Variants in STK31 observed in about 807,000 individuals in gnomAD.
STK31 encodes the protein serine/threonine kinase 31, also known as serine/threonine-protein kinase 31.
Under a neutral mutation model 129.7 loss-of-function variants are expected in STK31, and 89 were observed. The observed-to-expected ratio is 0.69, with a 90% confidence interval of 0.58 to 0.82. STK31 has a LOEUF of 0.82. STK31 is among the 40% of genes least tolerant of loss of function. STK31 has a pLI of 0.00. For synonymous variants in STK31, 448 were observed against 395.3 expected (o/e 1.13, Z -1.58); for missense variants, 1,187 against 1,176.4 (o/e 1.01, Z -0.13).
At chr7:23,777,588 T>C (rs1248428789) in intron 15 of STK31, among the ~76,000 whole-genome samples, 1 of 152,040 alleles carries the variant, frequency 6.6e-6, no homozygotes, top group East Asian at 1.9e-4. Flanking sequence ...TGTAATGCCC[T>C]TCTTTATTTT....
intron 11 of STK31, among the ~76,000 whole-genome samples, chr7:23,766,131 T>C (rs1047024720): frequency 3.9e-5 from 6 of 152,260 alleles, no homozygotes; most frequent in African/African-American, 1.4e-4. Context: ...GCGAGTTATT[T>C]GATATTTCAG....
At chr7:23,771,440 ATAGTTT>A (rs1428605624) in intron 14 of STK31, 1 of 172,062 alleles carries the variant, frequency 5.8e-6, no homozygotes, top group African/African-American at 2.4e-5. Flanking sequence ...AGCCTAAGAG[ATAGTTT>A]TAGAGTATTT....
chr7:23,809,159 G>GC (rs1554297287), intron 22 of STK31, among the ~76,000 whole-genome samples: 8 of 149,050 alleles, frequency 5.4e-5, no homozygotes, highest in Non-Finnish European at 1.2e-4. Flanking sequence ...AGAGTTGTTT[G>GC]TTTTTTTTAA....
intron 11 of STK31, among the ~76,000 whole-genome samples, chr7:23,767,026 G>C (rs1789871453): frequency 6.6e-6 from 1 of 152,026 alleles, no homozygotes; most frequent in Non-Finnish European, 1.5e-5. Flanking sequence ...ATTGCATTTT[G>C]TATGTCAAAG....
At chr7:23,721,044 T>C (rs1459962635) in intron 4 of STK31, among the ~76,000 whole-genome samples, 1 of 152,230 alleles carries the variant, frequency 6.6e-6, no homozygotes, top group Non-Finnish European at 1.5e-5. Context: ...AAAGGATTTA[T>C]AGTACACAAG....
At chr7:23,819,550 G>C (rs1793675851) in intron 23 of STK31, among the ~76,000 whole-genome samples, 1 of 151,086 alleles carries the variant, frequency 6.6e-6, no homozygotes, top group Admixed American at 6.6e-5. Flanking sequence ...GAGTAGCTGG[G>C]ATTACTGGCA....
In STK31 at chr7:23,754,387, T is replaced by C. The variant is rs557804147; in HGVS notation, c.1206T>C (p.Phe402=). 5.8e-5 allele frequency: 94 copies of C among 1,614,122 alleles called. 1 individual carries two copies. In the Middle Eastern group the frequency reaches 6.6e-4, roughly 11 times the overall value. The change falls in exon 10 of 24, where the codon TTT becomes TTC. Residue 402 remains phenylalanine, a synonymous_variant. Transcript: ENST00000355870. ...TACAAGTGTTGGATGAAGGGTGCTT[T>C]ACTACTCCAGCTTCTTTGAATGGAT... The part of the protein sequence containing the change: ...DAIQVLDEGC[F]TTPASLNGLE...
chr7:23,715,204 TC>T lies in STK31; in HGVS notation c.151-2275del, dbSNP rs1200679817. 4.7e-5 allele frequency among the ~76,000 whole-genome samples: 4 copies of T among 84,574 alleles called. No individual in the cohort carries two copies. In the East Asian group the frequency reaches 1.3e-3, roughly 27 times the overall value. 55.5% of individuals were successfully genotyped at this position (84,574 alleles called of 152,430 possible). Reference sequence around the variant, plus strand: ...GATGAAAATCTGCTCACGTGTATTCTCCATTTTTTTTTGCCCTGTGGGCTTC... The same window carrying T: ...GATGAAAATCTGCTCACGTGTATTCTCATTTTTTTTTGCCCTGTGGGCTTC... On this transcript the variant is annotated intron_variant, in intron 3 of 23. Transcript: ENST00000355870.
At chr7:23,754,161 T>G (rs1006893324) in intron 9 of STK31, among the ~76,000 whole-genome samples, 154 bp from the exon 10 acceptor site, 3 of 152,226 alleles carry the variant, frequency 2.0e-5, no homozygotes, top group African/African-American at 7.2e-5. Flanking sequence ...AAAAAATAAG[T>G]TATACATGAT....
rs745587912 is a variant in STK31, at chr7:23,729,295, T to C, written c.483+46T>C. 7.9e-6 allele frequency: 12 copies of C among 1,511,538 alleles called. No individual in the cohort carries two copies. The South Asian group carries it at 1.5e-4, about 19-fold the overall frequency. 93.6% of individuals were successfully genotyped at this position (1,511,538 alleles called of 1,614,324 possible). On this transcript the variant is annotated intron_variant, in intron 6 of 23. Coordinates refer to ENST00000355870, the MANE Select transcript of STK31 (RefSeq NM_031414.5). ...ATTTTTGCTAATGAAAGTAAAACTATGTGCTTGAAACAAAATGTAGGTATA... is the reference window on the plus strand; with the variant it reads ...ATTTTTGCTAATGAAAGTAAAACTACGTGCTTGAAACAAAATGTAGGTATA...
Position 23,712,297 on chromosome 7 carries a change from A to G in STK31, c.150+11A>G, listed in dbSNP as rs778171168. ...ACATTTTGGGCCCAGGTAAATAGCA[A>G]ACTGGTTGATATCCCCCCTCACCTC... On this transcript the variant is annotated intron_variant, in intron 3 of 23. Transcript: ENST00000355870. The G allele has an allele frequency of 6.8e-6, 11 of 1,613,956 alleles. No individual in the cohort carries two copies. Among genetic ancestry groups the G allele is most frequent in the Non-Finnish European group, 9.3e-6 (11 of 1,179,896 alleles).
At position 23,784,686 on chromosome 7, in the gene STK31, T is replaced by TAA. The variant is rs559533160; in HGVS notation, c.2149-783_2149-782dup. ...AATACTTAAATGTACCGACAAGACT[T>TAA]AAAAAAAAAACCCAGAAAACAATTC... On this transcript the variant is annotated intron_variant, in intron 17 of 23. Coordinates refer to ENST00000355870, the MANE Select transcript of STK31 (RefSeq NM_031414.5). Among the ~76,000 whole-genome samples the TAA allele has an allele frequency of 2.0e-5, 3 of 148,668 alleles. No individual in the cohort carries two copies. The East Asian group carries it at 5.8e-4, about 29-fold the overall frequency.
At chr7:23,815,714 G>C (rs923230604) in intron 23 of STK31, among the ~76,000 whole-genome samples, 1 of 151,878 alleles carries the variant, frequency 6.6e-6, no homozygotes, top group African/African-American at 2.4e-5. Context: ...GTACTTTGGG[G>C]GTACTCCATT....
intron 23 of STK31, among the ~76,000 whole-genome samples, chr7:23,826,592 A>G (rs1794167400): frequency 6.6e-6 from 1 of 152,104 alleles, no homozygotes; most frequent in Non-Finnish European, 1.5e-5. Flanking sequence ...CATTTAGCCC[A>G]TTTACATTTA....
Position 23,827,688 on chromosome 7 carries a change from G to A in STK31, c.2830-4448G>A, listed in dbSNP as rs201446409. Reference sequence around the variant, plus strand: ...AGAGGCTCTGATTTTTAGAGTTTCCGGTTTTTCTGCTCTGTTTTTTCCCCA... The same window carrying A: ...AGAGGCTCTGATTTTTAGAGTTTCCAGTTTTTCTGCTCTGTTTTTTCCCCA... On this transcript the variant is annotated intron_variant, in intron 23 of 23. Coordinates refer to ENST00000355870, the MANE Select transcript of STK31 (RefSeq NM_031414.5). 1.5e-4 allele frequency among the ~76,000 whole-genome samples: 23 copies of A among 152,072 alleles called. No individual in the cohort carries two copies. In the South Asian group the frequency reaches 2.5e-3, roughly 17 times the overall value.
chr7:23,740,922 A>G (rs2128084563), intron 8 of STK31, among the ~76,000 whole-genome samples: 1 of 152,330 alleles, frequency 6.6e-6, no homozygotes, highest in Non-Finnish European at 1.5e-5. Flanking sequence ...GGCAAGATAA[A>G]TACTTTATTC....
At chr7:23,783,759 T>C in intron 17 of STK31, 96 bp downstream of exon 17, 1 of 927,608 alleles carries the variant, frequency 1.1e-6, no homozygotes, top group Admixed American at 2.7e-5. Flanking sequence ...TAGTATCTTT[T>C]AAATAAAAAT....
At chr7:23,804,967 A>G (rs999024605) in intron 22 of STK31, among the ~76,000 whole-genome samples, 1 of 152,070 alleles carries the variant, frequency 6.6e-6, no homozygotes, top group Non-Finnish European at 1.5e-5. Context: ...ACTATGCCTT[A>G]TATTCCCATT....
At chr7:23,791,083 G>A (rs1791586744) in intron 22 of STK31, 137 bp downstream of exon 22, 1 of 948,988 alleles carries the variant, frequency 1.1e-6, no homozygotes, top group African/African-American at 1.7e-5. Context: ...AAAAACTATT[G>A]ATATGCTTCC....
Sources: gnomAD v4.1 joint callset for allele counts (sites outside exome capture counted in the v4.1 genomes callset) on GRCh38, gnomAD v4.1.1 for gene constraint, MANE v1.5 for transcripts, NCBI Gene and HGNC (gene_info 2026-07-23, HGNC 2026-07-21) for gene names.